The following GPC5 variants were observed in gnomAD, a reference collection of about 807,000 sequenced individuals.
GPC5 encodes the protein glypican 5, also known as glypican-5.
A neutral mutation model predicts 53.9 loss-of-function variants in GPC5; 47 were observed. The observed-to-expected ratio is 0.87, with a 90% CI of 0.69 to 1.11. The LOEUF is 1.11. Among genes scored for constraint, GPC5 ranks in the 50% most tolerant of loss-of-function variants. GPC5 has a pLI of 0.00. For synonymous variants in GPC5, 286 were observed against 263.3 expected, an observed-to-expected ratio of 1.09 and a Z score of -0.84; for missense variants, 748 against 713.1, an observed-to-expected ratio of 1.05 and a Z score of -0.56.
chr13:92,761,046 A>G (rs752173890), intron 7 of GPC5, among the ~76,000 whole-genome samples: 5 of 152,142 alleles, frequency 3.3e-5, no homozygotes, highest in Non-Finnish European at 7.3e-5. Flanking sequence ...CTTAAATTAT[A>G]TAAGGGTTGT....
chr13:91,408,191 T>G (rs1877467598), intron 1 of GPC5, among the ~76,000 whole-genome samples: 1 of 152,162 alleles, frequency 6.6e-6, no homozygotes, highest in Admixed American at 6.5e-5. Flanking sequence ...TGTCCCTTGA[T>G]CAACATCTTT....
At chr13:91,741,180 T>C (rs1436404380) in intron 4 of GPC5, among the ~76,000 whole-genome samples, 1 of 152,178 alleles carries the variant, frequency 6.6e-6, no homozygotes, top group African/African-American at 2.4e-5. Context: ...TTTTTAGAAA[T>C]ATTGGATTTT....
intron 6 of GPC5, among the ~76,000 whole-genome samples, chr13:92,056,337 G>A (rs112514900): frequency 5.3e-5 from 8 of 152,042 alleles, no homozygotes; most frequent in African/African-American, 1.9e-4. Context: ...ATTACACTGG[G>A]CTCACCCTGA....
Position 92,710,356 on chromosome 13 carries a change from G to A in GPC5, c.1562-155926G>A, listed in dbSNP as rs78156584. 2.1e-4 allele frequency among the ~76,000 whole-genome samples: 32 copies of A among 152,212 alleles called. No individual in the cohort carries two copies. In the East Asian group the frequency reaches 5.8e-3, roughly 28 times the overall value. On this transcript the variant is annotated intron_variant, in intron 7 of 7. Coordinates refer to ENST00000377067, the MANE Select transcript of GPC5 (RefSeq NM_004466.6). ...CCTCCAGATAATTTACCATCCTAAT[G>A]TGACAGAGAAGAAGAGTAATTTAGA...
At chr13:92,290,989 G>A (rs1362866325) in intron 7 of GPC5, among the ~76,000 whole-genome samples, 2 of 152,146 alleles carry the variant, frequency 1.3e-5, no homozygotes, top group East Asian at 3.9e-4. Flanking sequence ...GGAAGGGCCT[G>A]CCAGCCCCGC....
chr13:91,628,698 G>A (rs1196372164), intron 2 of GPC5, among the ~76,000 whole-genome samples: 1 of 152,102 alleles, frequency 6.6e-6, no homozygotes, highest in African/African-American at 2.4e-5. Flanking sequence ...TGTCTCAGTT[G>A]CTTTATCAAT....
intron 7 of GPC5, among the ~76,000 whole-genome samples, chr13:92,375,000 A>C (rs1453974476): frequency 1.3e-5 from 2 of 152,160 alleles, no homozygotes; most frequent in African/African-American, 2.4e-5. Flanking sequence ...ATCCAGATTT[A>C]AGGATATAAT....
intron 7 of GPC5, among the ~76,000 whole-genome samples, chr13:92,384,161 A>G (rs901370780): frequency 1.3e-5 from 2 of 149,872 alleles, no homozygotes; most frequent in Non-Finnish European, 3.0e-5. Flanking sequence ...TTTCGTTGCT[A>G]TCTGATTGGT....
At chr13:92,035,999 A>G (rs988900405) in intron 6 of GPC5, among the ~76,000 whole-genome samples, 1 of 152,196 alleles carries the variant, frequency 6.6e-6, no homozygotes, top group African/African-American at 2.4e-5. Flanking sequence ...AGGCTGATAA[A>G]TGAATATTCA....
chr13:92,298,790 T>A (rs1192662811), intron 7 of GPC5, among the ~76,000 whole-genome samples: 17 of 152,146 alleles, frequency 1.1e-4, no homozygotes. Context: ...GATGCAAGCC[T>A]CCACACGCTG....
chr13:92,374,866 AT>A (rs1274989859), intron 7 of GPC5, among the ~76,000 whole-genome samples: 166 of 143,634 alleles, frequency 1.2e-3, no homozygotes, highest in Middle Eastern at 3.5e-3. Context: ...AAAAAAAAAA[AT>A]AGAAAAAAAA....
intron 2 of GPC5, among the ~76,000 whole-genome samples, chr13:91,493,896 A>G (rs1003596232): frequency 6.6e-6 from 1 of 151,822 alleles, no homozygotes. Flanking sequence ...TTTATTTAAG[A>G]CAGAGTCTCA....
Position 91,693,184 on chromosome 13 carries a change from C to T in GPC5, c.326-3C>T, listed in dbSNP as rs2035793561. ...TCATGTTTTACCTCTGCTTGTGTTACAGAAACCCTTGAAACTCTCATCAAA... is the reference window on the plus strand; with the variant it reads ...TCATGTTTTACCTCTGCTTGTGTTATAGAAACCCTTGAAACTCTCATCAAA... On this transcript the variant is annotated splice_region_variant and splice_polypyrimidine_tract_variant and intron_variant, in intron 2 of 7. Transcript: ENST00000377067. 3 of 1,607,828 alleles carry T rather than the reference C, an allele frequency of 1.9e-6. No individual in the cohort carries two copies. Among genetic ancestry groups the T allele is most frequent in the Non-Finnish European group, 2.6e-6 (3 of 1,175,766 alleles).
intron 6 of GPC5, among the ~76,000 whole-genome samples, chr13:91,917,617 A>G (rs1353663195): frequency 6.6e-6 from 1 of 152,158 alleles, no homozygotes; most frequent in Non-Finnish European, 1.5e-5. Flanking sequence ...TGCTTTGCCA[A>G]TTAGCAATTT....
At chr13:92,626,111 A>G (rs1446332812) in intron 7 of GPC5, among the ~76,000 whole-genome samples, 1 of 152,266 alleles carries the variant, frequency 6.6e-6, no homozygotes, top group African/African-American at 2.4e-5. Context: ...TTACAATTAT[A>G]TAATAACTTT....
chr13:92,328,548 T>C (rs1390247718), intron 7 of GPC5, among the ~76,000 whole-genome samples: 3 of 152,208 alleles, frequency 2.0e-5, no homozygotes, highest in Non-Finnish European at 4.4e-5. Context: ...AGTGGCTTAT[T>C]TTAAGAGAAC....
chr13:92,704,670 C>T (rs1476470109), intron 7 of GPC5, among the ~76,000 whole-genome samples: 1 of 151,652 alleles, frequency 6.6e-6, no homozygotes, highest in African/African-American at 2.4e-5. Context: ...GGAGGAAATC[C>T]ACTTATGGAA....
At chr13:92,379,312 C>G (rs558155495) in intron 7 of GPC5, among the ~76,000 whole-genome samples, 2 of 152,306 alleles carry the variant, frequency 1.3e-5, no homozygotes, top group East Asian at 3.9e-4. Flanking sequence ...CTGATGCCAG[C>G]CAGGCCCCAG....
At chr13:92,303,823 G>T (rs1334225231) in intron 7 of GPC5, among the ~76,000 whole-genome samples, 5 of 152,188 alleles carry the variant, frequency 3.3e-5, no homozygotes. Context: ...CCACTTTGTG[G>T]CAGGATTTGG....
Sources: gnomAD v4.1 joint callset for allele counts (sites outside exome capture counted in the v4.1 genomes callset) on GRCh38, gnomAD v4.1.1 for gene constraint, MANE v1.5 for transcripts, NCBI Gene and HGNC (gene_info 2026-07-23, HGNC 2026-07-21) for gene names.